Variants in ITGAE observed in about 807,000 individuals in gnomAD.
The protein encoded by ITGAE is integrin alpha-E.
Under a neutral mutation model 136.5 loss-of-function variants are expected in ITGAE, and 99 were observed. That is an observed-to-expected ratio of 0.73 (90% CI 0.62 to 0.86). The LOEUF is 0.86. Ranked by LOEUF, ITGAE falls within the 40% of genes least tolerant of loss-of-function variation. The pLI, the probability that ITGAE is intolerant of heterozygous loss-of-function variation, is 0.00. For missense variants in ITGAE, 1,447 were observed against 1,515.3 expected, an observed-to-expected ratio of 0.95 and a Z score of 0.75; for synonymous variants, 613 against 591.8, an observed-to-expected ratio of 1.04 and a Z score of -0.52.
intron 26 of ITGAE, chr17:3,724,023 G>A: frequency 6.3e-7 from 1 of 1,591,052 alleles, no homozygotes; most frequent in Non-Finnish European, 8.5e-7. Context: ...GCCGGGCCGG[G>A]AAGCCGCGCA....
At chr17:3,724,618 C>G in intron 26 of ITGAE, 1 of 1,614,178 alleles carries the variant, frequency 6.2e-7, no homozygotes, top group Non-Finnish European at 8.5e-7. Context: ...ACAGGAGGAG[C>G]CAAGGACACC....
At chr17:3,753,597 C>T (rs367732246) in intron 13 of ITGAE, among the ~76,000 whole-genome samples, 167 bp from the exon 14 acceptor site, 5 of 152,260 alleles carry the variant, frequency 3.3e-5, no homozygotes, top group South Asian at 2.1e-4. Context: ...GGCCCCACAG[C>T]GGAGGAAACT....
At chr17:3,732,249 G>A (rs926514179) in intron 22 of ITGAE, 119 bp downstream of exon 22, 3 of 787,216 alleles carry the variant, frequency 3.8e-6, no homozygotes, top group Non-Finnish European at 4.4e-6. Context: ...GCACTGCTGG[G>A]GACACACTGC....
intron 15 of ITGAE, among the ~76,000 whole-genome samples, chr17:3,750,921 G>T (rs529420882): frequency 6.6e-6 from 1 of 152,202 alleles, no homozygotes; most frequent in South Asian, 2.1e-4. Context: ...GAGGAAGCTG[G>T]GTGGGCTGGG....
chr17:3,753,963 G>A, intron 12 of ITGAE, 38 bp from the exon 13 acceptor site: 10 of 1,600,098 alleles, frequency 6.2e-6, no homozygotes, highest in Non-Finnish European at 8.5e-6. Flanking sequence ...CACACCGTGT[G>A]CTCCCACCTG....
At chr17:3,719,278 A>G (rs1179121110) in intron 29 of ITGAE, among the ~76,000 whole-genome samples, 1 of 150,170 alleles carries the variant, frequency 6.7e-6, no homozygotes, top group Admixed American at 6.6e-5. Flanking sequence ...AAAAAGAAAT[A>G]CACTACTTAA....
chr17:3,794,185 G>A (rs774827329), intron 1 of ITGAE, among the ~76,000 whole-genome samples: 2 of 151,830 alleles, frequency 1.3e-5, no homozygotes, highest in African/African-American at 2.4e-5. Context: ...TGCCATGTTG[G>A]TCAGGCTGGT....
rs756984812 is a variant in ITGAE at position 3,720,337 on chromosome 17, C to T, written c.3303G>A (p.Glu1101=). 1.3e-6 allele frequency: 2 copies of T among 1,589,070 alleles called. No homozygotes were observed. The highest frequency in any genetic ancestry group is 1.7e-5 in the Admixed American group (1 of 59,940). The change falls in exon 29 of 31, where the codon GAG becomes GAA. Residue 1101 remains glutamate, a synonymous_variant. Transcript: ENST00000263087. ...GEISFNKSLY[E]GLNAENHRTK... ...TTCTGTGGTTCTCTGCATTCAGTCCCTCATATAGAGATTTGTTGAAAGATA... is the reference window on the plus strand; with the variant it reads ...TTCTGTGGTTCTCTGCATTCAGTCCTTCATATAGAGATTTGTTGAAAGATA...
rs528510887 is a variant in ITGAE, at chr17:3,769,810, C to G, written c.156-5850G>C. Among the ~76,000 whole-genome samples the G allele has an allele frequency of 7.2e-4, 110 of 151,968 alleles. 1 individual carries two copies. Among genetic ancestry groups the G allele is most frequent in the African/African-American group, 2.4e-3 (98 of 41,464 alleles). On this transcript the variant is annotated intron_variant, in intron 2 of 30. Coordinates refer to ENST00000263087, the MANE Select transcript of ITGAE (RefSeq NM_002208.5). ...GTGATTCTCCTGCCTTAGCCTCTGC[C>G]TCCTGAGTAGCTGGGATTACAGGCA...
Position 3,743,629 on chromosome 17 carries a change from C to T in ITGAE, c.2320-12G>A. 3 of 1,607,856 alleles carry T rather than the reference C, an allele frequency of 1.9e-6. No homozygotes were observed. Among genetic ancestry groups the T allele is most frequent in the Non-Finnish European group, 2.5e-6 (3 of 1,177,872 alleles). ...TCCTCCTCACAGAGCTGTGGGGTCA[C>T]CACGGAAGGCAGGGTTAGAGTTGGA... On this transcript the variant is annotated splice_polypyrimidine_tract_variant and intron_variant, in intron 18 of 30. Transcript: ENST00000263087.
chr17:3,780,984 G>A (rs956889004), intron 1 of ITGAE, among the ~76,000 whole-genome samples: 13 of 152,178 alleles, frequency 8.5e-5, no homozygotes, highest in Admixed American at 5.9e-4. Flanking sequence ...GATTATAGGC[G>A]TCAGCCAACA....
intron 2 of ITGAE, among the ~76,000 whole-genome samples, chr17:3,777,113 T>A (rs1219449832): frequency 8.6e-5 from 13 of 152,028 alleles, no homozygotes; most frequent in African/African-American, 1.7e-4. Context: ...GGCGCCCGCC[T>A]CCTCGCCTGG....
At chr17:3,794,786 T>C (rs183767507) in intron 1 of ITGAE, among the ~76,000 whole-genome samples, 50 of 152,170 alleles carry the variant, frequency 3.3e-4, no homozygotes, top group African/African-American at 1.2e-3. Context: ...TAGAGGAGAA[T>C]TAAAAAGTGC....
intron 22 of ITGAE, among the ~76,000 whole-genome samples, chr17:3,732,077 A>AAAACAAACAAAC (rs10523007): frequency 9.9e-5 from 15 of 150,800 alleles, no homozygotes; most frequent in Non-Finnish European, 1.5e-4. Flanking sequence ...CTCCATCTCA[A>AAAACAAACAAAC]AAACAAACAA....
At chr17:3,783,816 G>A (rs11650410) in intron 1 of ITGAE, among the ~76,000 whole-genome samples, 11,930 of 152,122 alleles carry the variant, frequency 0.078, 723 homozygotes, top group African/African-American at 0.16. Context: ...TGATTCACTA[G>A]GAAGATGTGA....
At chr17:3,788,456 A>ATTTTTT (rs71155804) in intron 1 of ITGAE, among the ~76,000 whole-genome samples, 7 of 103,250 alleles carry the variant, frequency 6.8e-5, no homozygotes, top group Admixed American at 1.2e-4. Flanking sequence ...GACCTGACTA[A>ATTTTTT]TTTTTTTTTT....
At chr17:3,739,625 T>A (rs1458326666) in intron 20 of ITGAE, among the ~76,000 whole-genome samples, 180 bp downstream of exon 20, 1 of 152,110 alleles carries the variant, frequency 6.6e-6, no homozygotes, top group Non-Finnish European at 1.5e-5. Flanking sequence ...GGAAGACAGA[T>A]CTCTGTCTTG....
At chr17:3,723,055 G>A (rs1020091346) in intron 28 of ITGAE, among the ~76,000 whole-genome samples, 5 of 152,194 alleles carry the variant, frequency 3.3e-5, no homozygotes, top group Non-Finnish European at 7.3e-5. Flanking sequence ...ATAGACGTGG[G>A]GATGTAGGAA....
chr17:3,726,337 A>T, intron 26 of ITGAE: 1 of 1,579,726 alleles, frequency 6.3e-7, no homozygotes. Context: ...AAGTAAGCTA[A>T]ATGTATCTTA....
Sources: gnomAD v4.1 joint callset for allele counts (sites outside exome capture counted in the v4.1 genomes callset) on GRCh38, gnomAD v4.1.1 for gene constraint, MANE v1.5 for transcripts, NCBI Gene and HGNC (gene_info 2026-07-23, HGNC 2026-07-21) for gene names.